CDC23: variants seen among roughly 807,000 people sequenced by gnomAD.
CDC23 encodes the protein cell division cycle protein 23 homolog.
In CDC23, 26 loss-of-function variants were observed where a neutral mutation model predicts 81.7. The ratio of observed to expected loss-of-function variants is 0.32; its 90% CI spans 0.23 to 0.44. The LOEUF (loss-of-function observed/expected upper bound fraction) is 0.44, where lower values mean the gene tolerates loss of function less well. Among genes scored for constraint, CDC23 ranks in the 20% least tolerant of loss-of-function variants. The pLI, the probability that CDC23 is intolerant of heterozygous loss-of-function variation, is 1.00. For missense variants in CDC23, 519 were observed against 728.0 expected (o/e 0.71, Z 3.30); for synonymous variants, 267 against 270.8 (o/e 0.99, Z 0.14).
intron 2 of CDC23, among the ~76,000 whole-genome samples, chr5:138,211,436 T>C (rs1468117804): frequency 6.6e-6 from 1 of 152,114 alleles, no homozygotes; most frequent in East Asian, 1.9e-4. Context: ...CCAAGGTAGG[T>C]GGATCACCTG....
chr5:138,209,134 C>G (rs1755085339), intron 2 of CDC23, among the ~76,000 whole-genome samples: 1 of 151,506 alleles, frequency 6.6e-6, no homozygotes, highest in Admixed American at 6.6e-5. Flanking sequence ...TTCAGAAAAG[C>G]TAAGCTTCAG....
At chr5:138,202,671 T>C (rs1755002330) in intron 3 of CDC23, among the ~76,000 whole-genome samples, 1 of 152,204 alleles carries the variant, frequency 6.6e-6, no homozygotes, top group Non-Finnish European at 1.5e-5. Flanking sequence ...ATGAATTATG[T>C]ACAATTAAAA....
chr5:138,187,650 T>C lies in CDC23; in HGVS notation c.*1328A>G, dbSNP rs1754768962. 2 of 366,916 alleles carry C rather than the reference T, an allele frequency of 5.5e-6. No individual in the cohort carries two copies. The highest frequency in any genetic ancestry group is 9.6e-5 in the South Asian group (2 of 20,830). 22.7% of individuals were successfully genotyped at this position (366,916 alleles called of 1,614,324 possible). ...CACAAAAACAGTTATATTAAAGATATTATTGTTCACATTTTTTATTGAATT... is the reference window on the plus strand; with the variant it reads ...CACAAAAACAGTTATATTAAAGATACTATTGTTCACATTTTTTATTGAATT... On this transcript the variant is annotated 3_prime_UTR_variant, in exon 16 of 16. Coordinates refer to ENST00000394886, the MANE Select transcript of CDC23 (RefSeq NM_004661.4).
At position 138,188,952 on chromosome 5, in the gene CDC23, C is replaced by CA. The variant is rs1754789920; in HGVS notation, c.*25dup. On this transcript the variant is annotated 3_prime_UTR_variant, in exon 16 of 16. Transcript: ENST00000394886. ...TAAGGCTTAATTAAGATGGGTCTAA[C>CA]AATGTGCTGGCTTGAGAGTAGCCAA... 1.2e-6 allele frequency: 2 copies of CA among 1,609,284 alleles called. No individual in the cohort carries two copies. The highest frequency in any genetic ancestry group is 2.7e-5 in the African/African-American group (2 of 74,790).
At chr5:138,196,274 T>C (rs990965314) in intron 9 of CDC23, among the ~76,000 whole-genome samples, 13 of 151,822 alleles carry the variant, frequency 8.6e-5, no homozygotes, top group Non-Finnish European at 2.9e-5. Context: ...TTCTTAATAA[T>C]TATTCTTCTC....
chr5:138,195,078 G>A (rs972917790), intron 9 of CDC23, among the ~76,000 whole-genome samples: 1 of 151,814 alleles, frequency 6.6e-6, no homozygotes, highest in Non-Finnish European at 1.5e-5. Context: ...AAAGAATGAA[G>A]AGCTACACCA....
intron 9 of CDC23, among the ~76,000 whole-genome samples, chr5:138,193,234 T>C (rs994833139): frequency 1.3e-5 from 2 of 152,212 alleles, no homozygotes; most frequent in African/African-American, 4.8e-5. Context: ...GGCCTATATA[T>C]ACATTTTCTT....
intron 2 of CDC23, among the ~76,000 whole-genome samples, chr5:138,207,936 A>C (rs1755070975): frequency 6.6e-6 from 1 of 151,988 alleles, no homozygotes; most frequent in Non-Finnish European, 1.5e-5. Flanking sequence ...TCAAAAAAAA[A>C]ACAAAAAACA....
At position 138,188,536 on chromosome 5, in the gene CDC23, G is replaced by A. The variant is rs1032447079; in HGVS notation, c.*442C>T. 1.3e-5 allele frequency: 2 copies of A among 153,548 alleles called. No individual in the cohort carries two copies. The highest frequency in any genetic ancestry group is 4.8e-5 in the African/African-American group (2 of 41,438). 9.5% of individuals were successfully genotyped at this position (153,548 alleles called of 1,614,324 possible). On this transcript the variant is annotated 3_prime_UTR_variant, in exon 16 of 16. Coordinates refer to ENST00000394886, the MANE Select transcript of CDC23 (RefSeq NM_004661.4). ...AGCAAATCCAAGAGCAAGGTCATTTGTATCCATTGCTCTGACTTCTTCCTA... is the reference window on the plus strand; with the variant it reads ...AGCAAATCCAAGAGCAAGGTCATTTATATCCATTGCTCTGACTTCTTCCTA...
In CDC23 at chr5:138,192,744, G is replaced by C. The variant is rs1028693526; in HGVS notation, c.1013-87C>G. On this transcript the variant is annotated intron_variant, in intron 9 of 15. Transcript: ENST00000394886. ...ATAGATAGCATTCCACCAAATGGGC[G>C]TGAAACCATAACCCATTCCCTCTAA... The C allele has an allele frequency of 2.5e-6, 3 of 1,204,918 alleles. No individual in the cohort carries two copies. In the Admixed American group the frequency reaches 6.8e-5, roughly 27 times the overall value. 74.6% of individuals were successfully genotyped at this position (1,204,918 alleles called of 1,614,324 possible).
chr5:138,198,501 A>C lies in CDC23; in HGVS notation c.855T>G (p.Ile285Met). 1 of 1,614,176 alleles carries C rather than the reference A, an allele frequency of 6.2e-7. No homozygotes were observed. The highest frequency in any genetic ancestry group is 1.1e-5 in the South Asian group (1 of 91,080). Residue 285 changes from isoleucine (I) to methionine (M), a missense_variant, in exon 8 of 16, where the codon ATT (isoleucine) becomes ATG (methionine). Physicochemically the swap from Ile to Met is conservative, Grantham distance 10 (BLOSUM62 1). Transcript: ENST00000394886. ...GGTCTTGTTTCCTTAGCTCATTAAA[A>C]ATGGAGAGGGCTTTGTCAATATCTG... The part of the protein sequence containing the change: ...NIRDIDKALS[I>M]FNELRKQDPY...
intron 3 of CDC23, among the ~76,000 whole-genome samples, chr5:138,204,244 C>G (rs1221598475): frequency 3.9e-5 from 6 of 152,154 alleles, no homozygotes; most frequent in Admixed American, 1.3e-4. Flanking sequence ...GTGGCTCACG[C>G]CTGTAATCCC....
intron 6 of CDC23, 75 bp downstream of exon 6, chr5:138,201,032 C>T (rs878997948): frequency 1.3e-6 from 2 of 1,528,098 alleles, no homozygotes; most frequent in African/African-American, 1.4e-5. Context: ...CCAAAACTTT[C>T]CCCACCCCTA....
intron 9 of CDC23, among the ~76,000 whole-genome samples, chr5:138,197,658 G>A (rs571883368): frequency 1.1e-4 from 17 of 150,912 alleles, no homozygotes; most frequent in South Asian, 4.2e-4. Context: ...CACCACACCC[G>A]GCTAATTTTT....
In CDC23 at chr5:138,198,722, T is replaced by C; in HGVS notation, c.715A>G (p.Thr239Ala). Reference protein sequence around the residue: ...MKEFFLAHIYTELQLIEEALQ... With the variant: ...MKEFFLAHIYAELQLIEEALQ... Reference sequence around the variant, plus strand: ...GCCTCCTCTATCAACTGCAACTCTGTGTATATATGAGCCAGAAAAAACTCT... The same window carrying C: ...GCCTCCTCTATCAACTGCAACTCTGCGTATATATGAGCCAGAAAAAACTCT... The change falls in exon 7 of 16, where the codon ACA becomes GCA. Residue 239 changes from threonine (T) to alanine (A), a missense_variant. Physicochemically the swap from Thr to Ala is moderately conservative, Grantham distance 58. Transcript: ENST00000394886. The C allele has an allele frequency of 2.5e-6, 4 of 1,614,138 alleles. No individual in the cohort carries two copies. Among genetic ancestry groups the C allele is most frequent in the Non-Finnish European group, 3.4e-6 (4 of 1,180,026 alleles).
intron 11 of CDC23, 125 bp from the exon 12 acceptor site, chr5:138,192,062 A>T: frequency 1.1e-6 from 1 of 928,316 alleles, no homozygotes; most frequent in Non-Finnish European, 1.7e-6. Context: ...TGCTCCATAT[A>T]ATAGATTACT....
At chr5:138,189,436 T>C (rs1754800821) in intron 15 of CDC23, among the ~76,000 whole-genome samples, 197 bp downstream of exon 15, 1 of 152,030 alleles carries the variant, frequency 6.6e-6, no homozygotes, top group South Asian at 2.1e-4. Context: ...AAAATTTAAT[T>C]TTTGTAGAGA....
chr5:138,204,677 T>C (rs1261117229), intron 3 of CDC23, among the ~76,000 whole-genome samples: 1 of 150,898 alleles, frequency 6.6e-6, no homozygotes, highest in Non-Finnish European at 1.5e-5. Context: ...TGGAGTATAG[T>C]GGTATGATCT....
At chr5:138,190,559 T>G (rs1292703970) in intron 13 of CDC23, among the ~76,000 whole-genome samples, 1 of 148,170 alleles carries the variant, frequency 6.7e-6, no homozygotes, top group Non-Finnish European at 1.5e-5. Context: ...AGATCAGGAG[T>G]TCAAGACCAG....
Sources: allele counts gnomAD v4.1 joint callset (sites outside exome capture counted in the v4.1 genomes callset), GRCh38; gene constraint gnomAD v4.1.1; transcripts MANE v1.5; gene names NCBI Gene and HGNC (gene_info 2026-07-23, HGNC 2026-07-21).